Variants in PAPPA2 observed in about 807,000 individuals in gnomAD.
The protein encoded by PAPPA2 is pappalysin-2.
In PAPPA2, 86 loss-of-function variants were observed where a neutral mutation model predicts 176.4. The ratio of observed to expected loss-of-function variants is 0.49; its 90% CI spans 0.41 to 0.58. The LOEUF (loss-of-function observed/expected upper bound fraction) is 0.58, where lower values mean the gene tolerates loss of function less well. PAPPA2 is among the 20% of genes least tolerant of loss of function. The pLI is 0.00. For synonymous variants in PAPPA2, 809 were observed against 852.2 expected, an observed-to-expected ratio of 0.95 and a Z score of 0.88; for missense variants, 2,073 against 2,256.9, an observed-to-expected ratio of 0.92 and a Z score of 1.65.
chr1:176,558,350 A>AT (rs1376410763), intron 2 of PAPPA2, among the ~76,000 whole-genome samples: 1 of 152,204 alleles, frequency 6.6e-6, no homozygotes, highest in African/African-American at 2.4e-5. Context: ...GATTTTCCGA[A>AT]TTAAGAAAAT....
rs181282173 is a variant in PAPPA2 at position 176,651,292 on chromosome 1, C to T, written c.1992-19678C>T. Among the ~76,000 whole-genome samples the T allele has an allele frequency of 2.5e-3, 380 of 151,384 alleles. 1 individual carries two copies. The highest frequency in any genetic ancestry group is 9.0e-3 in the Admixed American group (137 of 15,186). The stretch of plus-strand genomic sequence containing the variant: ...TTTTTCAGACGGAAGAACTCTTTAG[C>T]ATTTCTTATATGACAGGTTCAGTAG... On this transcript the variant is annotated intron_variant, in intron 3 of 22. Coordinates refer to ENST00000367662, the MANE Select transcript of PAPPA2 (RefSeq NM_020318.3).
chr1:176,639,234 T>C lies in PAPPA2; in HGVS notation c.1992-31736T>C, dbSNP rs544752284. Among the ~76,000 whole-genome samples the C allele has an allele frequency of 8.9e-4, 136 of 152,092 alleles. 1 individual carries two copies. Among genetic ancestry groups the C allele is most frequent in the African/African-American group, 2.7e-3 (114 of 41,512 alleles). On this transcript the variant is annotated intron_variant, in intron 3 of 22. Transcript: ENST00000367662. ...ATTTTTGGTTGACCCCCCTTTTTGT[T>C]CCAAATACTAGAGTTAGGATAAATG...
intron 12 of PAPPA2, among the ~76,000 whole-genome samples, chr1:176,734,004 C>A (rs1331899241): frequency 6.6e-6 from 1 of 152,044 alleles, no homozygotes; most frequent in Admixed American, 6.6e-5. Context: ...AATGGCATGT[C>A]CTTGTATAGA....
intron 3 of PAPPA2, among the ~76,000 whole-genome samples, chr1:176,633,285 G>A (rs572174305): frequency 2.6e-5 from 4 of 152,146 alleles, no homozygotes; most frequent in Non-Finnish European, 4.4e-5. Context: ...ATCAAATGAA[G>A]CCAGCTCTGG....
intron 4 of PAPPA2, among the ~76,000 whole-genome samples, chr1:176,678,358 G>T (rs1051678249): frequency 1.3e-5 from 2 of 151,082 alleles, no homozygotes; most frequent in Admixed American, 1.3e-4. Context: ...ATTTACTTTC[G>T]TAAGTGTCTT....
intron 21 of PAPPA2, among the ~76,000 whole-genome samples, chr1:176,824,231 A>AAC (rs1666772083): frequency 6.6e-6 from 1 of 152,208 alleles, no homozygotes; most frequent in African/African-American, 2.4e-5. Context: ...TGCTGCCTGC[A>AAC]TAGTTGGAGG....
intron 14 of PAPPA2, among the ~76,000 whole-genome samples, chr1:176,758,058 C>G (rs1199054836): frequency 6.6e-6 from 1 of 152,170 alleles, no homozygotes; most frequent in Non-Finnish European, 1.5e-5. Flanking sequence ...AGAGAAACTT[C>G]CACTTTCCCA....
At chr1:176,779,929 G>T (rs755772210) in intron 17 of PAPPA2, among the ~76,000 whole-genome samples, 1 of 152,160 alleles carries the variant, frequency 6.6e-6, no homozygotes, top group Non-Finnish European at 1.5e-5. Context: ...CAACGTAAAT[G>T]CTAATCAGCT....
chr1:176,744,184 A>G (rs914535065), intron 14 of PAPPA2, among the ~76,000 whole-genome samples: 2 of 152,208 alleles, frequency 1.3e-5, no homozygotes, highest in African/African-American at 2.4e-5. Flanking sequence ...TTAGGATCAT[A>G]CATCTTGCCA....
chr1:176,775,876 T>C (rs973572137), intron 17 of PAPPA2, among the ~76,000 whole-genome samples: 2 of 152,192 alleles, frequency 1.3e-5, no homozygotes, highest in African/African-American at 4.8e-5. Flanking sequence ...AGCAACACTT[T>C]TGCATGGTAG....
chr1:176,612,868 A>C (rs1224627861), intron 3 of PAPPA2, among the ~76,000 whole-genome samples: 1 of 152,206 alleles, frequency 6.6e-6, no homozygotes, highest in Non-Finnish European at 1.5e-5. Flanking sequence ...TCAAGAGAGT[A>C]GCGCTTTTCT....
At chr1:176,716,161 T>C (rs895018781) in intron 12 of PAPPA2, among the ~76,000 whole-genome samples, 2 of 151,672 alleles carry the variant, frequency 1.3e-5, no homozygotes, top group African/African-American at 2.4e-5. Context: ...CTCCTAGGAC[T>C]TTTACTGTAA....
At chr1:176,535,387 G>A (rs78423760) in intron 1 of PAPPA2, among the ~76,000 whole-genome samples, 1 of 152,150 alleles carries the variant, frequency 6.6e-6, no homozygotes, top group African/African-American at 2.4e-5. Flanking sequence ...TTGTAAGAGC[G>A]GAATTCGACA....
At chr1:176,792,676 C>T (rs563987867) in intron 19 of PAPPA2, among the ~76,000 whole-genome samples, 1 of 151,842 alleles carries the variant, frequency 6.6e-6, no homozygotes, top group East Asian at 1.9e-4. Flanking sequence ...CTAACCTGCA[C>T]AATGTGCACA....
intron 1 of PAPPA2, among the ~76,000 whole-genome samples, chr1:176,513,363 T>C (rs1473599763): frequency 1.3e-4 from 20 of 152,146 alleles, no homozygotes. Context: ...TCTTTCATTT[T>C]TCTTTTTTCA....
At position 176,685,672 on chromosome 1, in the gene PAPPA2, G is replaced by A. The variant is rs1015915331; in HGVS notation, c.2138-4465G>A. 2.0e-5 allele frequency among the ~76,000 whole-genome samples: 3 copies of A among 152,184 alleles called. No individual in the cohort carries two copies. The East Asian group carries it at 5.8e-4, about 29-fold the overall frequency. On this transcript the variant is annotated intron_variant, in intron 4 of 22. Coordinates refer to ENST00000367662, the MANE Select transcript of PAPPA2 (RefSeq NM_020318.3). ...AGCAGGGGAATGCACAGTCCCTCCGGCCCCCTCCTCCCCACCAGGGGAAGA... is the reference window on the plus strand; with the variant it reads ...AGCAGGGGAATGCACAGTCCCTCCGACCCCCTCCTCCCCACCAGGGGAAGA...
At chr1:176,517,272 CA>C (rs1648967785) in intron 1 of PAPPA2, among the ~76,000 whole-genome samples, 1 of 152,044 alleles carries the variant, frequency 6.6e-6, no homozygotes, top group Non-Finnish European at 1.5e-5. Context: ...TCGGGAATGG[CA>C]GGTGGAAGGA....
chr1:176,496,878 A>G (rs1647661854), intron 1 of PAPPA2, among the ~76,000 whole-genome samples: 1 of 152,232 alleles, frequency 6.6e-6, no homozygotes, highest in South Asian at 2.1e-4. Flanking sequence ...ACATTACTCA[A>G]GAGTAACATG....
chr1:176,774,685 A>G (rs986641126), intron 17 of PAPPA2, among the ~76,000 whole-genome samples: 1 of 152,110 alleles, frequency 6.6e-6, no homozygotes, highest in African/African-American at 2.4e-5. Context: ...TGCAGCAAAA[A>G]TGGCCTTCAA....
Sources: gnomAD v4.1 joint callset for allele counts (sites outside exome capture counted in the v4.1 genomes callset) on GRCh38, gnomAD v4.1.1 for gene constraint, MANE v1.5 for transcripts, NCBI Gene and HGNC (gene_info 2026-07-23, HGNC 2026-07-21) for gene names.